ATM: variants seen among roughly 807,000 people sequenced by gnomAD.
ATM encodes serine-protein kinase ATM.
A neutral mutation model predicts 387.0 loss-of-function variants in ATM; 308 were observed. The ratio of observed to expected loss-of-function variants is 0.80; its 90% CI spans 0.73 to 0.87. The LOEUF is 0.87. Ranked by LOEUF, ATM falls within the 40% of genes least tolerant of loss-of-function variation. The pLI is 0.00. For synonymous variants in ATM, 1,156 were observed against 1,187.3 expected (o/e 0.97, Z 0.54); for missense variants, 3,312 against 3,560.9 (o/e 0.93, Z 1.78).
At chr11:108,238,538 A>G (rs1192905929) in intron 5 of ATM, among the ~76,000 whole-genome samples, 5 of 152,138 alleles carry the variant, frequency 3.3e-5, no homozygotes, top group Admixed American at 3.3e-4. Flanking sequence ...TTGTAATTGC[A>G]TTGTTTTTAA....
In ATM at chr11:108,369,055, C is replaced by A. The variant is rs2091468890; in HGVS notation, c.*3547C>A. 5.7e-6 allele frequency: 1 copy of A among 175,144 alleles called. No homozygotes were observed. The highest frequency in any genetic ancestry group is 1.2e-5 in the Non-Finnish European group (1 of 81,460). The allele number at this position is 175,144 out of a possible 1,614,324, so 10.8% of individuals were successfully genotyped here. ...TATTGAATGTATTACTTTACTGTTA[C>A]CTGAATTTATTATAAAGTGTTTTTG... On this transcript the variant is annotated 3_prime_UTR_variant, in exon 63 of 63. Coordinates refer to ENST00000675843, the MANE Select transcript of ATM (RefSeq NM_000051.4).
At chr11:108,269,539 C>G (rs549973293) in intron 18 of ATM, among the ~76,000 whole-genome samples, 12 of 152,302 alleles carry the variant, frequency 7.9e-5, no homozygotes, top group African/African-American at 2.6e-4. Flanking sequence ...ACCTGACTAT[C>G]CACTCAACCT....
intron 53 of ATM, 72 bp from the exon 54 acceptor site, chr11:108,333,814 C>A: frequency 8.2e-7 from 1 of 1,213,316 alleles, no homozygotes; most frequent in Non-Finnish European, 1.2e-6. Flanking sequence ...GTGGTATCTG[C>A]TGACTATTCC....
intron 61 of ATM, among the ~76,000 whole-genome samples, chr11:108,362,422 C>T (rs1330531283): frequency 6.6e-6 from 1 of 151,730 alleles, no homozygotes; most frequent in Admixed American, 6.6e-5. Context: ...TTAGAAATAC[C>T]ATTTGACCCA....
chr11:108,342,565 C>T (rs1352474346), intron 56 of ATM, among the ~76,000 whole-genome samples: 1 of 152,060 alleles, frequency 6.6e-6, no homozygotes, highest in African/African-American at 2.4e-5. Context: ...GTCAGTGAAG[C>T]ACACAAGGGG....
chr11:108,258,754 A>C (rs2080670694), intron 15 of ATM, among the ~76,000 whole-genome samples: 1 of 152,186 alleles, frequency 6.6e-6, no homozygotes, highest in Non-Finnish European at 1.5e-5. Context: ...ATTATAGCTC[A>C]CTTATCTTTA....
chr11:108,256,016 C>G (rs995572645), intron 13 of ATM, among the ~76,000 whole-genome samples, 199 bp from the exon 14 acceptor site: 2 of 152,264 alleles, frequency 1.3e-5, no homozygotes, highest in Non-Finnish European at 2.9e-5. Context: ...GATACTTAGG[C>G]TATTTTTCTT....
At chr11:108,232,017 A>C (rs1052133054) in intron 4 of ATM, among the ~76,000 whole-genome samples, 1 of 152,220 alleles carries the variant, frequency 6.6e-6, no homozygotes, top group Non-Finnish European at 1.5e-5. Context: ...GTACTTACTG[A>C]AAGAGTGAAT....
In ATM at chr11:108,331,557, T is replaced by C. The variant is rs767123895; in HGVS notation, c.7629T>C (p.Asn2543=). Residue 2543 remains asparagine (N), a splice_region_variant and synonymous_variant, in exon 51 of 63, where the codon AAT becomes AAC. Coordinates refer to ENST00000675843, the MANE Select transcript of ATM (RefSeq NM_000051.4). ...TAGGATTTCATGAAGTCCTCAATAA[T>C]GTAAGTAAACCTGAAAATCAAACCA... is the stretch of plus-strand genomic sequence containing the variant. ...GGLGFHEVLN[N]LISRISMDHP... 6 of 1,608,828 alleles carry C rather than the reference T, an allele frequency of 3.7e-6. No individual in the cohort carries two copies. The African/African-American group carries it at 5.3e-5, about 14-fold the overall frequency.
intron 40 of ATM, among the ~76,000 whole-genome samples, chr11:108,315,530 A>C (rs1047249559): frequency 2.6e-5 from 4 of 152,130 alleles, no homozygotes; most frequent in African/African-American, 9.7e-5. Flanking sequence ...AAAATTTTTC[A>C]GTAGTTCTAA....
At chr11:108,270,995 A>G (rs1030168914) in intron 18 of ATM, 69 bp from the exon 19 acceptor site, 4 of 1,348,658 alleles carry the variant, frequency 3.0e-6, no homozygotes, top group South Asian at 2.4e-5. Flanking sequence ...CACCCGGCCT[A>G]TGTTTATATA....
intron 29 of ATM, chr11:108,290,109 T>C (rs2082704723): frequency 3.8e-6 from 1 of 262,958 alleles, no homozygotes; most frequent in African/African-American, 2.2e-5. Context: ...ACTGTCAGCC[T>C]CAGCCTCCCA....
intron 56 of ATM, among the ~76,000 whole-genome samples, chr11:108,338,433 T>C (rs2087099691): frequency 6.6e-6 from 1 of 152,132 alleles, no homozygotes; most frequent in African/African-American, 2.4e-5. Flanking sequence ...GGCAGGAGGA[T>C]CACTTGAGGC....
chr11:108,293,892 AAAATAT>A (rs1163487283), intron 31 of ATM, among the ~76,000 whole-genome samples: 82 of 108,940 alleles, frequency 7.5e-4, no homozygotes, highest in African/African-American at 1.5e-3. Flanking sequence ...AAAAAAAAAA[AAAATAT>A]ATATATATAT....
chr11:108,306,403 T>C (rs2083693231), intron 37 of ATM, among the ~76,000 whole-genome samples: 1 of 152,194 alleles, frequency 6.6e-6, no homozygotes, highest in African/African-American at 2.4e-5. Context: ...AATACAGGTA[T>C]AAGTGATTTA....
intron 32 of ATM, chr11:108,295,704 T>A (rs1774851136): frequency 6.5e-6 from 1 of 153,204 alleles, no homozygotes; most frequent in Non-Finnish European, 1.5e-5. Context: ...TTGCCCAGGC[T>A]GGAATGCAGT....
At chr11:108,259,133 G>A (rs1404985779) in intron 16 of ATM, 58 bp downstream of exon 16, 1 of 1,385,704 alleles carries the variant, frequency 7.2e-7, no homozygotes, top group South Asian at 1.2e-5. Flanking sequence ...TAATTTTTTT[G>A]TTGAAATATC....
chr11:108,318,551 G>C (rs528918914), intron 43 of ATM, among the ~76,000 whole-genome samples: 1 of 151,772 alleles, frequency 6.6e-6, no homozygotes, highest in African/African-American at 2.4e-5. Context: ...TTAGCTGGGT[G>C]TGCTGGAGCA....
intron 59 of ATM, among the ~76,000 whole-genome samples, chr11:108,350,349 A>G (rs1197821381): frequency 6.6e-6 from 1 of 152,208 alleles, no homozygotes; most frequent in Non-Finnish European, 1.5e-5. Flanking sequence ...GGGAAAGAAG[A>G]GGGCTAATAA....
Sources: gnomAD v4.1 joint callset for allele counts (sites outside exome capture counted in the v4.1 genomes callset) on GRCh38, gnomAD v4.1.1 for gene constraint, MANE v1.5 for transcripts, NCBI Gene and HGNC (gene_info 2026-07-23, HGNC 2026-07-21) for gene names.